Variants in WNT11 observed in about 807,000 individuals in gnomAD.
WNT11 encodes protein Wnt-11.
A neutral mutation model predicts 35.6 loss-of-function variants in WNT11; 20 were observed. That is an observed-to-expected ratio of 0.56 (90% confidence interval 0.40 to 0.82). The LOEUF is 0.82. Ranked by LOEUF, WNT11 falls within the 40% of genes least tolerant of loss-of-function variation. The pLI is 0.00. For synonymous variants in WNT11, 200 were observed against 211.9 expected (o/e 0.94, Z 0.49); for missense variants, 459 against 504.4 (o/e 0.91, Z 0.86).
At chr11:76,200,616 C>T (rs1224267671) in intron 1 of WNT11, among the ~76,000 whole-genome samples, 1 of 152,184 alleles carries the variant, frequency 6.6e-6, no homozygotes, top group Non-Finnish European at 1.5e-5. Flanking sequence ...TGTCCAGCAC[C>T]CGCCAGCAGG....
intron 1 of WNT11, among the ~76,000 whole-genome samples, chr11:76,204,420 G>A (rs376756304): frequency 1.3e-5 from 2 of 152,142 alleles, no homozygotes; most frequent in East Asian, 3.8e-4. Context: ...GCGCTGTTCG[G>A]CCTCCAGGCT....
chr11:76,210,667 C>A, upstream of WNT11: 4 of 985,232 alleles, frequency 4.1e-6, no homozygotes, highest in Non-Finnish European at 4.8e-6. Context: ...CGCGCGGAGT[C>A]AGGCGCGGAC....
At position 76,203,569 on chromosome 11, in the gene WNT11, T is replaced by C. The variant is rs1953421251; in HGVS notation, c.83+2756A>G. 2.0e-5 allele frequency among the ~76,000 whole-genome samples: 3 copies of C among 152,234 alleles called. No homozygotes were observed. The South Asian group carries it at 6.2e-4, about 32-fold the overall frequency. ...CCGAATACTTGAGGGGCTGGGAGTC[T>C]TCTGGTGCCTGGCCTGGGTGGAGGT... On this transcript the variant is annotated intron_variant, in intron 1 of 4. Transcript: ENST00000322563.
In WNT11 at chr11:76,194,806, C is replaced by T. The variant is rs766162311; in HGVS notation, c.358G>A (p.Ala120Thr). The T allele has an allele frequency of 9.7e-6, 15 of 1,545,560 alleles. No individual in the cohort carries two copies. Among genetic ancestry groups the T allele is most frequent in the African/African-American group, 4.1e-5 (3 of 73,166 alleles). ...CGGGCGATGGCGTGGCTGATGGCGG[C>T]GGCCGACAGCGCATACACGAAGGCC... is the stretch of plus-strand genomic sequence containing the variant. ...ESAFVYALSA[A>T]AISHAIARAC... Residue 120 changes from alanine to threonine, a missense_variant, in exon 3 of 5, where the codon GCC becomes ACC. By Grantham distance (58) the Ala-to-Thr change is moderately conservative. Transcript: ENST00000322563. This position sits in a 1 kb window ranked among gnomAD's most constrained non-coding sequence, Gnocchi z 5.4.
At chr11:76,205,317 T>C (rs1258838231) in intron 1 of WNT11, among the ~76,000 whole-genome samples, 1 of 149,498 alleles carries the variant, frequency 6.7e-6, no homozygotes, top group Non-Finnish European at 1.5e-5. Flanking sequence ...CTGTCTTATC[T>C]GCAGGCTCCC....
chr11:76,209,889 C>G (rs536699287), upstream of WNT11, among the ~76,000 whole-genome samples: 1 of 151,866 alleles, frequency 6.6e-6, no homozygotes, highest in Non-Finnish European at 1.5e-5. Flanking sequence ...ACAGGACTTT[C>G]CTCCTCCCTA....
At chr11:76,192,168 C>T (rs1400139777) in intron 3 of WNT11, among the ~76,000 whole-genome samples, 1 of 152,160 alleles carries the variant, frequency 6.6e-6, no homozygotes, top group African/African-American at 2.4e-5. Context: ...GGGAGGTATC[C>T]TTACTTCCCC....
upstream of WNT11, chr11:76,206,546 G>T (rs1408520384): frequency 4.9e-6 from 6 of 1,221,088 alleles, no homozygotes; most frequent in Middle Eastern, 6.5e-4. Context: ...GCGCGCGGGC[G>T]GGGGAGGCGT....
chr11:76,196,217 G>A (rs1048340100), intron 2 of WNT11, among the ~76,000 whole-genome samples: 1 of 152,198 alleles, frequency 6.6e-6, no homozygotes, highest in East Asian at 1.9e-4. Flanking sequence ...GGGCACACAG[G>A]TACATGTGCT....
chr11:76,186,774 A>T lies in WNT11; in HGVS notation c.*291T>A. 1 of 525,486 alleles carries T rather than the reference A, an allele frequency of 1.9e-6. No individual in the cohort carries two copies. Among genetic ancestry groups the T allele is most frequent in the Non-Finnish European group, 3.7e-6 (1 of 272,768 alleles). 32.6% of individuals were successfully genotyped at this position (525,486 alleles called of 1,614,324 possible). A position where few individuals can be genotyped will look rare whatever the true frequency, so the allele number is the denominator to read the frequency against. Reference sequence around the variant, plus strand: ...GAAAGGTCAAGTCTGTATCAGTCTCACCGATCCCAAGCCCCGCTCCTTACA... The same window carrying T: ...GAAAGGTCAAGTCTGTATCAGTCTCTCCGATCCCAAGCCCCGCTCCTTACA... On this transcript the variant is annotated 3_prime_UTR_variant, in exon 5 of 5. Coordinates refer to ENST00000322563, the MANE Select transcript of WNT11 (RefSeq NM_004626.3).
chr11:76,198,513 C>G (rs1331784919), intron 1 of WNT11, among the ~76,000 whole-genome samples: 1 of 152,226 alleles, frequency 6.6e-6, no homozygotes. Flanking sequence ...GTCTTGCCAC[C>G]ATGCCTTTGC....
chr11:76,209,559 A>G (rs1953528260), upstream of WNT11, among the ~76,000 whole-genome samples: 1 of 152,252 alleles, frequency 6.6e-6, no homozygotes, highest in East Asian at 1.9e-4. Flanking sequence ...ACGCCGAGCG[A>G]CGGCTTCAAG....
intron 1 of WNT11, among the ~76,000 whole-genome samples, chr11:76,204,287 A>G (rs1953433793): frequency 6.6e-6 from 1 of 152,166 alleles, no homozygotes; most frequent in Non-Finnish European, 1.5e-5. Flanking sequence ...CTATTGCTAG[A>G]CTATCAGTTT....
At chr11:76,210,735 C>T, upstream of WNT11, 1 of 935,984 alleles carries the variant, frequency 1.1e-6, no homozygotes, top group Non-Finnish European at 1.3e-6. Flanking sequence ...CTCGCCCGAG[C>T]TCTCCTCCTC....
chr11:76,198,963 G>C (rs1052713406), intron 1 of WNT11, among the ~76,000 whole-genome samples: 11 of 151,988 alleles, frequency 7.2e-5, no homozygotes, highest in Non-Finnish European at 1.5e-4. Flanking sequence ...GTGAAACCCT[G>C]TATCTACTCA....
In WNT11 at chr11:76,187,051, C is replaced by T. The variant is rs556798968; in HGVS notation, c.*14G>A. The T allele has an allele frequency of 4.7e-5, 75 of 1,607,816 alleles. No individual in the cohort carries two copies. The highest frequency in any genetic ancestry group is 5.5e-5 in the Non-Finnish European group (65 of 1,179,760). On this transcript the variant is annotated 3_prime_UTR_variant, in exon 5 of 5. Coordinates refer to ENST00000322563, the MANE Select transcript of WNT11 (RefSeq NM_004626.3). The stretch of plus-strand genomic sequence containing the variant: ...GCAGAGTCCTCGCTCCTGCGTGGGG[C>T]GGAGGGCAGGGCCTCACTTGCAGAC...
upstream of WNT11, chr11:76,206,590 G>C (rs1158239095): frequency 5.1e-6 from 6 of 1,173,972 alleles, no homozygotes; most frequent in Admixed American, 4.5e-5. Flanking sequence ...GTCGGGGCCC[G>C]GGGAGGCCGA....
chr11:76,208,742 C>G (rs1022060104), upstream of WNT11, among the ~76,000 whole-genome samples: 1 of 152,210 alleles, frequency 6.6e-6, no homozygotes, highest in African/African-American at 2.4e-5. Context: ...TCCAGCCCCG[C>G]CCAGCTCTTT....
chr11:76,207,190 C>G (rs1210365088), upstream of WNT11, among the ~76,000 whole-genome samples: 1 of 152,090 alleles, frequency 6.6e-6, no homozygotes, highest in Non-Finnish European at 1.5e-5. Context: ...GGCAAAACCC[C>G]GTCTCTACTA....
Sources: allele counts gnomAD v4.1 joint callset (sites outside exome capture counted in the v4.1 genomes callset), GRCh38; gene constraint gnomAD v4.1.1; non-coding constraint Gnocchi (gnomAD v3.1); transcripts MANE v1.5; gene names NCBI Gene and HGNC (gene_info 2026-07-23, HGNC 2026-07-21).